The following AVL9 variants were observed in gnomAD, a reference collection of about 807,000 sequenced individuals.
AVL9 encodes the protein late secretory pathway protein AVL9 homolog.
AVL9 carries 49 observed loss-of-function variants against 79.2 expected under a neutral mutation model. That is an observed-to-expected ratio of 0.62 (90% CI 0.49 to 0.79). The LOEUF (loss-of-function observed/expected upper bound fraction) is 0.79, where lower values mean the gene tolerates loss of function less well. Ranked by LOEUF, AVL9 falls within the 30% of genes least tolerant of loss-of-function variation. The pLI is 0.00. For synonymous variants in AVL9, 299 were observed against 280.6 expected (o/e 1.07, Z -0.65); for missense variants, 682 against 776.8 (o/e 0.88, Z 1.45).
chr7:32,565,565 A>T (rs1362794216), intron 10 of AVL9, among the ~76,000 whole-genome samples: 1 of 151,480 alleles, frequency 6.6e-6, no homozygotes, highest in Non-Finnish European at 1.5e-5. Flanking sequence ...GTCTCAAAAA[A>T]AAAAAAAGAA....
intron 1 of AVL9, among the ~76,000 whole-genome samples, chr7:32,540,345 AT>A (rs1365235927): frequency 1.3e-5 from 2 of 152,216 alleles, no homozygotes; most frequent in African/African-American, 4.8e-5. Flanking sequence ...GCACATTAAG[AT>A]TTTAAGAAGT....
chr7:32,510,196 G>T (rs1292654684), intron 1 of AVL9, among the ~76,000 whole-genome samples: 2 of 151,602 alleles, frequency 1.3e-5, no homozygotes, highest in Non-Finnish European at 2.9e-5. Flanking sequence ...CATCTCTCCA[G>T]GGTGAGATAC....
chr7:32,511,495 A>T (rs1007537137), intron 1 of AVL9, among the ~76,000 whole-genome samples: 6 of 152,126 alleles, frequency 3.9e-5, no homozygotes, highest in Non-Finnish European at 7.4e-5. Flanking sequence ...GATAAGATGC[A>T]GGGGTGTACT....
At chr7:32,544,595 T>A (rs1385625854) in intron 2 of AVL9, 99 bp from the exon 3 acceptor site, 1 of 761,384 alleles carries the variant, frequency 1.3e-6, no homozygotes, top group East Asian at 2.7e-5. Context: ...TTTATCATCA[T>A]TTTTGTGTTA....
rs1482480359 is a variant in AVL9, at chr7:32,558,627, A to G, written c.678A>G (p.Pro226=). The part of the protein sequence containing the change: ...GALMTVLSLF[P]GMIEHGLSDC... Reference sequence around the variant, plus strand: ...TGATGACTGTGTTATCCCTTTTTCCAGGTAAGAAAACAGCAGTATCTACTC... The same window carrying G: ...TGATGACTGTGTTATCCCTTTTTCCGGGTAAGAAAACAGCAGTATCTACTC... Residue 226 remains proline, a splice_region_variant and synonymous_variant, in exon 9 of 16, where the codon CCA becomes CCG. Transcript: ENST00000318709. 2.5e-6 allele frequency: 4 copies of G among 1,606,822 alleles called. No individual in the cohort carries two copies. The highest frequency in any genetic ancestry group is 3.4e-5 in the Admixed American group (2 of 59,082).
intron 14 of AVL9, 164 bp from the exon 15 acceptor site, chr7:32,580,634 TAATA>T: frequency 1.7e-6 from 1 of 601,486 alleles, no homozygotes; most frequent in Non-Finnish European, 2.9e-6. Flanking sequence ...CTTAAAAGGT[TAATA>T]AATTAATTCA....
intron 1 of AVL9, among the ~76,000 whole-genome samples, chr7:32,516,091 T>C (rs994751272): frequency 6.6e-6 from 1 of 152,206 alleles, no homozygotes; most frequent in Non-Finnish European, 1.5e-5. Context: ...TTGTGGAGTT[T>C]CAAGAGTCAT....
chr7:32,566,376 C>T (rs1790569518), intron 10 of AVL9, among the ~76,000 whole-genome samples: 1 of 149,410 alleles, frequency 6.7e-6, no homozygotes. Context: ...ATCATATTGT[C>T]CAGGCTGGTC....
chr7:32,582,293 G>C (rs747878828), intron 15 of AVL9, among the ~76,000 whole-genome samples: 5 of 152,134 alleles, frequency 3.3e-5, no homozygotes, highest in African/African-American at 4.8e-5. Context: ...AACCGTTACT[G>C]AACACAATTC....
At chr7:32,498,964 A>G (rs6964323) in intron 1 of AVL9, among the ~76,000 whole-genome samples, 36,314 of 36,326 alleles carry the variant, frequency 1, 18,151 homozygotes, top group Middle Eastern at 1. Flanking sequence ...AGGAGTTCGA[A>G]ACCAGCCTGG....
intron 1 of AVL9, among the ~76,000 whole-genome samples, chr7:32,500,699 T>C (rs1456036625): frequency 2.0e-5 from 3 of 152,210 alleles, no homozygotes. Flanking sequence ...ATATCCTGAA[T>C]GGTATTGCCT....
intron 4 of AVL9, among the ~76,000 whole-genome samples, chr7:32,550,610 A>G (rs1164310959): frequency 6.6e-6 from 1 of 152,236 alleles, no homozygotes; most frequent in African/African-American, 2.4e-5. Flanking sequence ...TGGTCATTAC[A>G]TCCTGAAATG....
intron 1 of AVL9, among the ~76,000 whole-genome samples, chr7:32,529,840 T>G (rs73687016): frequency 0.014 from 2,067 of 152,322 alleles, 37 homozygotes; most frequent in Middle Eastern, 0.048. Context: ...GAAGATGTCC[T>G]TATGCACCCC....
chr7:32,548,144 C>CTCTTTTT (rs1227025763), intron 3 of AVL9, among the ~76,000 whole-genome samples: 4 of 57,592 alleles, frequency 6.9e-5, no homozygotes, highest in African/African-American at 2.2e-4. Context: ...TTTGTCATCT[C>CTCTTTTT]TTTTTTCTTT....
At chr7:32,569,019 C>A (rs1159941868) in intron 10 of AVL9, among the ~76,000 whole-genome samples, 4 of 152,146 alleles carry the variant, frequency 2.6e-5, no homozygotes, top group African/African-American at 9.7e-5. Flanking sequence ...TAACAACCAC[C>A]TGTTAGTTAC....
intron 1 of AVL9, among the ~76,000 whole-genome samples, chr7:32,512,380 A>G (rs1042229521): frequency 3.4e-4 from 49 of 145,322 alleles, no homozygotes; most frequent in African/African-American, 1.3e-3. Flanking sequence ...GTGTGAATGC[A>G]CATGATTAGA....
At chr7:32,572,954 G>T (rs925804638) in intron 11 of AVL9, among the ~76,000 whole-genome samples, 4 of 151,968 alleles carry the variant, frequency 2.6e-5, no homozygotes, top group African/African-American at 7.3e-5. Context: ...TGCAATCTAG[G>T]TGAGTAATTT....
intron 8 of AVL9, among the ~76,000 whole-genome samples, 184 bp from the exon 9 acceptor site, chr7:32,558,375 C>T (rs1790177010): frequency 1.3e-5 from 2 of 152,040 alleles, no homozygotes; most frequent in Admixed American, 6.5e-5. Flanking sequence ...CCAGGATGGT[C>T]TCGATCTCCT....
At chr7:32,520,338 A>G (rs1583508151) in intron 1 of AVL9, among the ~76,000 whole-genome samples, 3 of 152,324 alleles carry the variant, frequency 2.0e-5, no homozygotes, top group Admixed American at 2.0e-4. Context: ...TAGCCACTGT[A>G]AGGACAAAAT....
Sources: gnomAD v4.1 joint callset for allele counts (sites outside exome capture counted in the v4.1 genomes callset) on GRCh38, gnomAD v4.1.1 for gene constraint, MANE v1.5 for transcripts, NCBI Gene and HGNC (gene_info 2026-07-23, HGNC 2026-07-21) for gene names.